CFAP92: variants seen among roughly 807,000 people sequenced by gnomAD.
CFAP92 encodes the protein uncharacterized protein CFAP92.
Under a neutral mutation model 106.3 loss-of-function variants are expected in CFAP92, and 86 were observed. The observed-to-expected ratio is 0.81, with a 90% CI of 0.68 to 0.97. The LOEUF is 0.97. Ranked by LOEUF, CFAP92 falls within the 50% of genes least tolerant of loss-of-function variation. CFAP92 has a pLI of 0.00. For missense variants in CFAP92, 1,204 were observed against 1,283.8 expected, an observed-to-expected ratio of 0.94 and a Z score of 0.95; for synonymous variants, 477 against 506.4, an observed-to-expected ratio of 0.94 and a Z score of 0.78.
chr3:128,946,071 C>T, intron 9 of CFAP92, 96 bp from the exon 10 acceptor site: 2 of 868,882 alleles, frequency 2.3e-6, no homozygotes, highest in Non-Finnish European at 1.6e-6. Context: ...AGGCTCATTG[C>T]CTGTCCCTGT....
the CFAP92 span, among the ~76,000 whole-genome samples, chr3:129,026,357 G>C: frequency 1.3e-5 from 2 of 152,060 alleles, no homozygotes; most frequent in African/African-American, 2.4e-5. Flanking sequence ...ATGATTTAGG[G>C]AATAGAAGAA....
intron 9 of CFAP92, among the ~76,000 whole-genome samples, chr3:128,953,446 C>T (rs979215718): frequency 6.6e-6 from 1 of 152,066 alleles, no homozygotes; most frequent in South Asian, 2.1e-4. Context: ...ACCCAGGAGG[C>T]GGAGCTTGCA....
chr3:128,946,848 G>A (rs1194888062), intron 9 of CFAP92, among the ~76,000 whole-genome samples: 1 of 152,180 alleles, frequency 6.6e-6, no homozygotes, highest in African/African-American at 2.4e-5. Context: ...CAAGGCATAA[G>A]ATATTAGAAT....
At chr3:128,912,571 CTAT>C (rs1398297588) in intron 15 of CFAP92, 1 of 1,614,046 alleles carries the variant, frequency 6.2e-7, no homozygotes, top group Non-Finnish European at 8.5e-7. Flanking sequence ...AGAAGCGAGC[CTAT>C]ATCTGTGCCC....
At chr3:128,944,955 GA>G in intron 10 of CFAP92, 115 bp downstream of exon 10, 1 of 919,526 alleles carries the variant, frequency 1.1e-6, no homozygotes, top group East Asian at 2.6e-5. Flanking sequence ...AATGAACCCC[GA>G]AAGGAGACTC....
chr3:129,007,707 G>A, the CFAP92 span, among the ~76,000 whole-genome samples: 1 of 152,160 alleles, frequency 6.6e-6, no homozygotes, highest in African/African-American at 2.4e-5. Context: ...AATTTAGACT[G>A]CGTTGAATTT....
chr3:128,989,246 C>T (rs570464697), intron 2 of CFAP92, among the ~76,000 whole-genome samples: 1 of 150,374 alleles, frequency 6.7e-6, no homozygotes, highest in East Asian at 2.0e-4. Flanking sequence ...GGAGAGACGC[C>T]ATACTTGCCT....
chr3:128,977,856 A>G (rs1013875687), intron 5 of CFAP92, among the ~76,000 whole-genome samples, 189 bp downstream of exon 5: 1 of 152,110 alleles, frequency 6.6e-6, no homozygotes, highest in Admixed American at 6.6e-5. Flanking sequence ...CAGAACTCAG[A>G]ATCAGTAACA....
the CFAP92 span, among the ~76,000 whole-genome samples, chr3:129,008,696 T>G: frequency 1.3e-5 from 2 of 152,164 alleles, no homozygotes; most frequent in African/African-American, 4.8e-5. Context: ...CCTGCTGCTT[T>G]CAGAGCTGTA....
chr3:128,935,427 A>G (rs1268085669), intron 10 of CFAP92, 108 bp from the exon 11 acceptor site: 11 of 695,786 alleles, frequency 1.6e-5, no homozygotes, highest in Non-Finnish European at 2.4e-5. Flanking sequence ...AAACAAACCC[A>G]GGGGCCGGGT....
intron 12 of CFAP92, among the ~76,000 whole-genome samples, chr3:128,929,165 T>A (rs1938048091): frequency 6.6e-6 from 1 of 152,150 alleles, no homozygotes; most frequent in South Asian, 2.1e-4. Flanking sequence ...AAATTCCTAA[T>A]AAGCACATTA....
In CFAP92 at chr3:128,945,891, C is replaced by T. The variant is rs772329142; in HGVS notation, c.1438G>A (p.Val480Ile). 14 of 1,468,112 alleles carry T rather than the reference C, an allele frequency of 9.5e-6. No individual in the cohort carries two copies. Among genetic ancestry groups the T allele is most frequent in the African/African-American group, 5.7e-5 (4 of 70,678 alleles). 90.9% of individuals were successfully genotyped at this position (1,468,112 alleles called of 1,614,324 possible). ...ATGACGTTGATGTCCTGGAAATAAA[C>T]GTGGGTTCCATGGGGCTCCCCCTTG... ...KTKGEPHGTH[V>I]YFQDINVIFL... Residue 480 changes from valine to isoleucine, a missense_variant, in exon 10 of 16, where the codon GTT (valine) becomes ATT (isoleucine). Val to Ile is a conservative substitution (Grantham distance 29). Transcript: ENST00000645291.
chr3:128,980,849 C>T (rs1177610349), intron 4 of CFAP92, among the ~76,000 whole-genome samples: 1 of 152,150 alleles, frequency 6.6e-6, no homozygotes, highest in African/African-American at 2.4e-5. Flanking sequence ...TTCTAGTTCT[C>T]TTGCTGTTTC....
rs1942771550 is a variant in CFAP92 at position 128,971,268 on chromosome 3, C to T, written c.1168+19G>A. ...CAAGACAAGCAGGAGCTGCTGGGAACAGGGCAAGCAGTGGGTACCGGCAAG... is the reference window on the plus strand; with the variant it reads ...CAAGACAAGCAGGAGCTGCTGGGAATAGGGCAAGCAGTGGGTACCGGCAAG... On this transcript the variant is annotated intron_variant, in intron 8 of 15. Transcript: ENST00000645291. 1.2e-6 allele frequency: 2 copies of T among 1,613,656 alleles called. No individual in the cohort carries two copies. Among genetic ancestry groups the T allele is most frequent in the African/African-American group, 1.3e-5 (1 of 75,012 alleles).
intron 9 of CFAP92, among the ~76,000 whole-genome samples, chr3:128,964,753 T>A (rs532727199): frequency 2.0e-3 from 300 of 151,920 alleles, no homozygotes; most frequent in East Asian, 4.3e-3. Flanking sequence ...TCTTCTAACA[T>A]CCCCACAATA....
the CFAP92 span, among the ~76,000 whole-genome samples, chr3:129,019,855 AC>A: frequency 7.4e-6 from 1 of 135,072 alleles, no homozygotes; most frequent in Non-Finnish European, 1.5e-5. Flanking sequence ...TGCAACCTCC[AC>A]CTCCCAGATT....
chr3:129,002,928 T>C (rs1052956529), upstream of CFAP92, among the ~76,000 whole-genome samples: 5 of 152,242 alleles, frequency 3.3e-5, no homozygotes, highest in East Asian at 7.7e-4. Flanking sequence ...CTCTGGGCTA[T>C]TGAGAAGAAA....
chr3:128,986,642 T>C (rs1431035120), intron 4 of CFAP92, among the ~76,000 whole-genome samples: 1 of 152,232 alleles, frequency 6.6e-6, no homozygotes, highest in Non-Finnish European at 1.5e-5. Context: ...CACACCCTCA[T>C]TGCTTGCACC....
chr3:128,925,549 ATAAG>A (rs1358765446), intron 12 of CFAP92, among the ~76,000 whole-genome samples: 2 of 152,226 alleles, frequency 1.3e-5, no homozygotes, highest in Non-Finnish European at 2.9e-5. Context: ...TATGAGATGT[ATAAG>A]TAATATCAGA....
Sources: gnomAD v4.1 joint callset for allele counts (sites outside exome capture counted in the v4.1 genomes callset) on GRCh38, gnomAD v4.1.1 for gene constraint, MANE v1.5 for transcripts, NCBI Gene and HGNC (gene_info 2026-07-23, HGNC 2026-07-21) for gene names.